TRAPPC9: variants seen among roughly 807,000 people sequenced by gnomAD.
The protein encoded by TRAPPC9 is trafficking protein particle complex subunit 9, also known as IKK2 binding protein.
TRAPPC9 carries 83 observed loss-of-function variants against 124.0 expected under a neutral mutation model. The observed-to-expected ratio is 0.67, with a 90% CI of 0.56 to 0.80. TRAPPC9 has a LOEUF of 0.80. Among genes scored for constraint, TRAPPC9 ranks in the 30% least tolerant of loss-of-function variants. The pLI is 0.00. For synonymous variants in TRAPPC9, 638 were observed against 617.5 expected (o/e 1.03, Z -0.49); for missense variants, 1,302 against 1,508.3 (o/e 0.86, Z 2.27).
At chr8:139,759,365 T>C (rs1563792583) in intron 21 of TRAPPC9, among the ~76,000 whole-genome samples, 1 of 152,150 alleles carries the variant, frequency 6.6e-6, no homozygotes, top group Non-Finnish European at 1.5e-5. Flanking sequence ...CCTGGAATCC[T>C]TGCCTCTGCC....
intron 5 of TRAPPC9, among the ~76,000 whole-genome samples, chr8:140,425,047 C>T (rs1369105915): frequency 1.3e-5 from 2 of 152,224 alleles, no homozygotes; most frequent in African/African-American, 4.8e-5. Flanking sequence ...AATTGCATTG[C>T]TCCTAGGAGC....
intron 9 of TRAPPC9, among the ~76,000 whole-genome samples, chr8:140,330,855 C>T (rs546278711): frequency 1.4e-3 from 210 of 152,102 alleles, no homozygotes; most frequent in African/African-American, 4.9e-3. Context: ...CATTTTGTCA[C>T]GCTGCCCACC....
intron 20 of TRAPPC9, among the ~76,000 whole-genome samples, chr8:139,903,623 C>T (rs887153609): frequency 6.6e-6 from 1 of 152,202 alleles, no homozygotes; most frequent in South Asian, 2.1e-4. Context: ...AGCCAGGCTG[C>T]GATGTAGACT....
intron 21 of TRAPPC9, among the ~76,000 whole-genome samples, chr8:139,821,484 CA>C (rs1427283707): frequency 6.6e-6 from 1 of 152,208 alleles, no homozygotes; most frequent in African/African-American, 2.4e-5. Context: ...TTCTGTAAAA[CA>C]AACCCATTTC....
At chr8:140,251,462 T>C (rs2064131194) in intron 16 of TRAPPC9, among the ~76,000 whole-genome samples, 1 of 152,272 alleles carries the variant, frequency 6.6e-6, no homozygotes, top group Non-Finnish European at 1.5e-5. Context: ...TATCCAACCC[T>C]AAATCTGTTT....
chr8:140,131,219 T>C (rs770017021), intron 17 of TRAPPC9, among the ~76,000 whole-genome samples: 6 of 152,188 alleles, frequency 3.9e-5, no homozygotes, highest in Non-Finnish European at 5.9e-5. Context: ...TTTTGTTCTT[T>C]AGGGTATATC....
chr8:139,855,629 G>T (rs1029790449), intron 21 of TRAPPC9, among the ~76,000 whole-genome samples: 8 of 152,184 alleles, frequency 5.3e-5, no homozygotes, highest in African/African-American at 1.7e-4. Context: ...CTCTTCAGGG[G>T]AGTCTTATGC....
chr8:140,348,185 G>A (rs1359282973), intron 9 of TRAPPC9, among the ~76,000 whole-genome samples: 2 of 152,228 alleles, frequency 1.3e-5, no homozygotes, highest in Admixed American at 6.5e-5. Flanking sequence ...CTGGGTGACT[G>A]TGGGCAGACC....
Position 139,732,139 on chromosome 8 carries a change from G to A in TRAPPC9, c.3119C>T (p.Pro1040Leu). The A allele has an allele frequency of 6.2e-7, 1 of 1,605,496 alleles. No homozygotes were observed. The highest frequency in any genetic ancestry group is 8.5e-7 in the Non-Finnish European group (1 of 1,177,194). The change falls in exon 22 of 23, where the codon CCC (proline) becomes CTC (leucine). Residue 1040 changes from proline (P) to leucine (L), a missense_variant. Around this residue, in one of 3 missense-constraint regions of TRAPPC9, gnomAD observed 640 missense variants for 679.3 expected, o/e 0.94. Transcript: ENST00000438773. Reference sequence around the variant, plus strand: ...GGTCAGCCGCACCTCCAGGCGCACGGGGTCGCCCACCTGGCAGGCCGCCAC... The same window carrying A: ...GGTCAGCCGCACCTCCAGGCGCACGAGGTCGCCCACCTGGCAGGCCGCCAC... The part of the protein sequence containing the change: ...EAVAACQVGD[P>L]VRLEVRLTNR...
chr8:139,783,378 G>T (rs766997541), intron 21 of TRAPPC9, among the ~76,000 whole-genome samples: 11 of 152,088 alleles, frequency 7.2e-5, no homozygotes, highest in East Asian at 1.9e-4. Flanking sequence ...ATATTGAAAA[G>T]AAAATAAGGA....
rs1486966850 is a variant in TRAPPC9, at chr8:139,742,254, G to A, written c.3056-10052C>T. On this transcript the variant is annotated intron_variant, in intron 21 of 22. Coordinates refer to ENST00000438773, the MANE Select transcript of TRAPPC9 (RefSeq NM_001160372.4). This position sits in a 1 kb window ranked among gnomAD's most constrained non-coding sequence, Gnocchi z 4.7. ...CTGCGGTTCTCACGTGCGTTCTCCC[G>A]ATCTACCCCCAACCGGCCATGCTGC... Among the ~76,000 whole-genome samples, 4 of 152,290 alleles carry A rather than the reference G, an allele frequency of 2.6e-5. No homozygotes were observed. Among genetic ancestry groups the A allele is most frequent in the South Asian group, 2.1e-4 (1 of 4,824 alleles).
At chr8:140,058,457 T>C (rs906902035) in intron 17 of TRAPPC9, among the ~76,000 whole-genome samples, 23 of 152,218 alleles carry the variant, frequency 1.5e-4, no homozygotes, top group African/African-American at 5.3e-4. Flanking sequence ...TCATTCACTA[T>C]TCATCCCTTC....
intron 17 of TRAPPC9, among the ~76,000 whole-genome samples, chr8:140,197,991 T>G (rs1427286709): frequency 1.3e-5 from 2 of 152,156 alleles, no homozygotes; most frequent in Non-Finnish European, 2.9e-5. Flanking sequence ...GGCCATCTAG[T>G]CTCCAAGGCT....
chr8:140,124,732 A>C (rs2061053823), intron 17 of TRAPPC9, among the ~76,000 whole-genome samples: 1 of 73,304 alleles, frequency 1.4e-5, no homozygotes, highest in Admixed American at 1.5e-4. Flanking sequence ...GGGAGGACCA[A>C]AATCACTCTC....
Position 139,730,920 on chromosome 8 carries a change from A to C in TRAPPC9, c.*141T>G. 1 of 906,516 alleles carries C rather than the reference A, an allele frequency of 1.1e-6. No homozygotes were observed. Among genetic ancestry groups the C allele is most frequent in the Non-Finnish European group, 1.7e-6 (1 of 602,588 alleles). The allele number at this position is 906,516 out of a possible 1,614,324, so 56.2% of individuals were successfully genotyped here. On this transcript the variant is annotated 3_prime_UTR_variant, in exon 23 of 23. Transcript: ENST00000438773. ...GCCCAGCAAAGATGCTACAGGAGGA[A>C]CAGGAGGAGAGGGCTGGGAGGGGTC...
At chr8:140,337,515 C>G (rs1399558462) in intron 9 of TRAPPC9, among the ~76,000 whole-genome samples, 2 of 152,190 alleles carry the variant, frequency 1.3e-5, no homozygotes, top group African/African-American at 4.8e-5. Flanking sequence ...CAGAGAGGAT[C>G]AGGACTTGTC....
chr8:140,101,038 G>A (rs2060569383), intron 17 of TRAPPC9, among the ~76,000 whole-genome samples: 1 of 152,188 alleles, frequency 6.6e-6, no homozygotes, highest in South Asian at 2.1e-4. Context: ...TCATGTTTTT[G>A]TACATAGAGT....
At chr8:139,902,344 G>A (rs1451878328) in intron 20 of TRAPPC9, among the ~76,000 whole-genome samples, 1 of 152,200 alleles carries the variant, frequency 6.6e-6, no homozygotes, top group African/African-American at 2.4e-5. Context: ...TTACCCTCCA[G>A]CCCACCGAAG....
At chr8:140,140,015 C>T (rs1352091778) in intron 17 of TRAPPC9, among the ~76,000 whole-genome samples, 1 of 152,194 alleles carries the variant, frequency 6.6e-6, no homozygotes, top group African/African-American at 2.4e-5. Flanking sequence ...TTATGAATAA[C>T]AACGACCACA....
Sources: gnomAD v4.1 joint callset for allele counts (sites outside exome capture counted in the v4.1 genomes callset) on GRCh38, gnomAD v4.1.1 for gene constraint, gnomAD v4.1.1 regional missense constraint, Gnocchi (gnomAD v3.1) non-coding constraint, MANE v1.5 for transcripts, NCBI Gene and HGNC (gene_info 2026-07-23, HGNC 2026-07-21) for gene names.